CFAP70: variants seen among roughly 807,000 people sequenced by gnomAD.
CFAP70 encodes cilia- and flagella-associated protein 70.
A neutral mutation model predicts 137.6 loss-of-function variants in CFAP70; 81 were observed. The observed-to-expected ratio is 0.59, with a 90% CI of 0.49 to 0.71. CFAP70 has a LOEUF of 0.71. CFAP70 is among the 30% of genes least tolerant of loss of function. The pLI, the probability that CFAP70 is intolerant of heterozygous loss-of-function variation, is 0.00. For missense variants in CFAP70, 976 were observed against 1,226.7 expected (o/e 0.80, Z 3.05); for synonymous variants, 382 against 423.6 (o/e 0.90, Z 1.20).
At chr10:73,299,658 C>T (rs2048799186) in exon 13 of CFAP70, 1 of 1,611,976 alleles carries the variant, frequency 6.2e-7, no homozygotes, top group Non-Finnish European at 8.5e-7. Flanking sequence ...GGAATCATTT[C>T]CTTGACCCTG....
rs1490801371 is a variant in CFAP70, at chr10:73,274,723, G to A, written c.2674-129C>T. The A allele has an allele frequency of 1.6e-5, 14 of 902,868 alleles. No homozygotes were observed. The South Asian group carries it at 1.8e-4, about 12-fold the overall frequency. 55.9% of individuals were successfully genotyped at this position (902,868 alleles called of 1,614,324 possible). On this transcript the variant is annotated intron_variant, in intron 22 of 26. Transcript: ENST00000310715. ...TTCTCTTTTCTTTTTCAGATCAACC[G>A]TTTTCTTTTTCTAAGAGCACTCAGA...
intron 3 of CFAP70, among the ~76,000 whole-genome samples, chr10:73,352,050 G>A (rs2054319878): frequency 6.6e-6 from 1 of 152,178 alleles, no homozygotes; most frequent in Non-Finnish European, 1.5e-5. Flanking sequence ...CAGTGGGTGT[G>A]GACTCATTAC....
At chr10:73,359,571 G>GT (rs2132612055), upstream of CFAP70, among the ~76,000 whole-genome samples, 1 of 152,306 alleles carries the variant, frequency 6.6e-6, no homozygotes, top group East Asian at 1.9e-4. Flanking sequence ...GCAAGTCCGT[G>GT]TTGATACAGA....
intron 5 of CFAP70, among the ~76,000 whole-genome samples, chr10:73,344,570 A>G (rs2053546571): frequency 6.6e-6 from 1 of 152,228 alleles, no homozygotes; most frequent in African/African-American, 2.4e-5. Context: ...TCATCCACAT[A>G]CATGGCCCTG....
intron 9 of CFAP70, among the ~76,000 whole-genome samples, chr10:73,314,308 T>C (rs547839808): frequency 2.6e-5 from 4 of 152,318 alleles, no homozygotes; most frequent in African/African-American, 9.6e-5. Flanking sequence ...AAATGCAGTT[T>C]ATCAATTATA....
intron 3 of CFAP70, among the ~76,000 whole-genome samples, chr10:73,351,346 C>T (rs1405055296): frequency 2.0e-5 from 3 of 151,830 alleles, no homozygotes; most frequent in Non-Finnish European, 4.4e-5. Context: ...TCTCGATCTC[C>T]TGACCTCGTG....
chr10:73,273,097 AT>A (rs113263844), intron 23 of CFAP70, 80 bp from the exon 25 acceptor site: 98,062 of 1,079,028 alleles, frequency 0.091, 6,649 homozygotes, highest in East Asian at 0.29. Flanking sequence ...GGGATCTCTG[AT>A]AATTGCTCTC....
At chr10:73,309,504 A>G (rs1054854301) in intron 12 of CFAP70, among the ~76,000 whole-genome samples, 1 of 152,060 alleles carries the variant, frequency 6.6e-6, no homozygotes, top group Non-Finnish European at 1.5e-5. Context: ...ATGGGGTCTC[A>G]CTATGTTGCC....
At chr10:73,282,877 G>C (rs1475460402) in intron 19 of CFAP70, among the ~76,000 whole-genome samples, 5 of 138,172 alleles carry the variant, frequency 3.6e-5, no homozygotes, top group African/African-American at 1.4e-4. Flanking sequence ...CTGTTGCCCA[G>C]GCTGTAGTGC....
intron 25 of CFAP70, among the ~76,000 whole-genome samples, chr10:73,263,473 G>C (rs2045473654): frequency 6.6e-6 from 1 of 152,160 alleles, no homozygotes; most frequent in African/African-American, 2.4e-5. Context: ...AATAGTTCTT[G>C]AGTCTTTGTG....
intron 25 of CFAP70, among the ~76,000 whole-genome samples, chr10:73,258,622 C>T (rs2044770918): frequency 6.6e-6 from 1 of 152,164 alleles, no homozygotes; most frequent in Non-Finnish European, 1.5e-5. Context: ...CCTGCAGGGC[C>T]GGACAGAACA....
At chr10:73,351,268 G>A (rs1207106111) in intron 3 of CFAP70, among the ~76,000 whole-genome samples, 8 of 147,642 alleles carry the variant, frequency 5.4e-5, no homozygotes, top group African/African-American at 2.0e-4. Flanking sequence ...ACAGGTGCCC[G>A]CCACCACACC....
intron 23 of CFAP70, 133 bp from the exon 25 acceptor site, chr10:73,273,150 A>T (rs2046440212): frequency 4.1e-6 from 3 of 724,518 alleles, no homozygotes; most frequent in Admixed American, 2.2e-5. Context: ...TTGTACTTTG[A>T]CGTCTACCTT....
chr10:73,278,078 A>C, intron 20 of CFAP70, 101 bp downstream of exon 21: 1 of 1,205,208 alleles, frequency 8.3e-7, no homozygotes, highest in Non-Finnish European at 1.2e-6. Context: ...CCTGGTTATC[A>C]ACTTCAAACA....
Position 73,275,487 on chromosome 10 carries a change from C to T in CFAP70, c.2632G>A (p.Ala878Thr), listed in dbSNP as rs755663493. 8 of 1,611,010 alleles carry T rather than the reference C, an allele frequency of 5.0e-6. No individual in the cohort carries two copies. Among genetic ancestry groups the T allele is most frequent in the South Asian group, 3.3e-5 (3 of 90,234 alleles). ...GCTGCTTGTTGAAGGTATTCCTCTG[C>T]CTTGGCAAAGTTCTTCTTAAGAATG... is the stretch of plus-strand genomic sequence containing the variant. The change falls in exon 22 of 27, where the codon GCA becomes ACA. Residue 878 changes from alanine (A) to threonine (T), a missense_variant. Coordinates refer to ENST00000310715, the Ensembl canonical transcript of CFAP70. The surrounding 1 kb of genome is among the most constrained non-coding windows in gnomAD (Gnocchi z 4.0).
intron 25 of CFAP70, among the ~76,000 whole-genome samples, chr10:73,258,675 C>T (rs534879915): frequency 6.6e-6 from 1 of 152,182 alleles, no homozygotes; most frequent in Non-Finnish European, 1.5e-5. Flanking sequence ...GGAGAAATAT[C>T]GCTGAATTCT....
intron 9 of CFAP70, among the ~76,000 whole-genome samples, chr10:73,322,368 A>G (rs2050942131): frequency 1.3e-5 from 2 of 152,072 alleles, no homozygotes; most frequent in Non-Finnish European, 2.9e-5. Context: ...TTGCATATAA[A>G]TGTAATTATA....
chr10:73,279,759 G>A (rs759424059), intron 19 of CFAP70, among the ~76,000 whole-genome samples: 3 of 151,938 alleles, frequency 2.0e-5, no homozygotes, highest in South Asian at 2.1e-4. Context: ...TTGAGGGACT[G>A]AGGTGGGAGG....
At chr10:73,274,312 C>A in intron 23 of CFAP70, 121 bp downstream of exon 24, 2 of 1,168,616 alleles carry the variant, frequency 1.7e-6, no homozygotes, top group Non-Finnish European at 2.4e-6. Flanking sequence ...AGTCACTTTA[C>A]CTTTGGATGT....
Sources: gnomAD v4.1 joint callset for allele counts (sites outside exome capture counted in the v4.1 genomes callset) on GRCh38, gnomAD v4.1.1 for gene constraint, Gnocchi (gnomAD v3.1) non-coding constraint, MANE v1.5 for transcripts, NCBI Gene and HGNC (gene_info 2026-07-23, HGNC 2026-07-21) for gene names.